Variants in PRH1 observed in about 807,000 individuals in gnomAD.
PRH1 encodes salivary acidic proline-rich phosphoprotein 1/2.
In PRH1, 7 loss-of-function variants were observed where a neutral mutation model predicts 7.9. The observed-to-expected ratio is 0.89, with a 90% CI of 0.50 to 1.67. PRH1 has a LOEUF of 1.67. PRH1 is among the 40% of genes most tolerant of loss of function. The probability of loss-of-function intolerance (pLI) is 0.00; values close to 1 mark genes in which losing one functional copy is unlikely to be tolerated. For synonymous variants in PRH1, 45 were observed against 80.8 expected (o/e 0.56, Z 2.38); for missense variants, 109 against 223.6 (o/e 0.49, Z 3.27).
chr12:11,069,721 C>T (rs1480649061), intron 1 of PRH1, among the ~76,000 whole-genome samples: 1 of 152,188 alleles, frequency 6.6e-6, no homozygotes, highest in Non-Finnish European at 1.5e-5. Context: ...TTGATAAATA[C>T]TTATAAACCA....
At chr12:10,902,532 T>C (rs1177659317) in intron 2 of PRH1, among the ~76,000 whole-genome samples, 2 of 152,080 alleles carry the variant, frequency 1.3e-5, no homozygotes, top group Non-Finnish European at 2.9e-5. Flanking sequence ...ACCTGACTGA[T>C]GCTATAGGAA....
At chr12:10,931,360 T>C (rs1950210754) in intron 2 of PRH1, among the ~76,000 whole-genome samples, 1 of 152,186 alleles carries the variant, frequency 6.6e-6, no homozygotes, top group Non-Finnish European at 1.5e-5. Context: ...TGGCACTCTG[T>C]TTCCTTTCCT....
At chr12:11,109,782 T>C (rs1481514783) in intron 1 of PRH1, among the ~76,000 whole-genome samples, 1 of 151,830 alleles carries the variant, frequency 6.6e-6, no homozygotes, top group Non-Finnish European at 1.5e-5. Context: ...GGATCACAAC[T>C]CCTCACCAGC....
chr12:10,988,478 C>T (rs562465984), intron 1 of PRH1, among the ~76,000 whole-genome samples: 2 of 152,274 alleles, frequency 1.3e-5, no homozygotes, highest in Non-Finnish European at 2.9e-5. Flanking sequence ...AAAGTTCCTA[C>T]TTCAACTCTC....
chr12:10,989,584 CTA>C (rs910818004), intron 1 of PRH1, among the ~76,000 whole-genome samples: 4 of 152,074 alleles, frequency 2.6e-5, no homozygotes, highest in African/African-American at 4.8e-5. Context: ...ATGGCTATTT[CTA>C]TATATCTTAT....
At chr12:10,968,590 A>G (rs7134527) in intron 2 of PRH1, among the ~76,000 whole-genome samples, 36,994 of 152,110 alleles carry the variant, frequency 0.24, 4,546 homozygotes, top group Non-Finnish European at 0.25. Flanking sequence ...GCTTAGACTG[A>G]AATAATACCT....
At chr12:11,119,022 G>A (rs545520073), downstream of PRH1, among the ~76,000 whole-genome samples, 14 of 149,798 alleles carry the variant, frequency 9.3e-5, no homozygotes, top group Middle Eastern at 3.5e-3. Context: ...AAAAAAAAGA[G>A]GGAGAGAGAA....
At chr12:11,007,121 G>A (rs1389151490) in intron 1 of PRH1, among the ~76,000 whole-genome samples, 1 of 152,028 alleles carries the variant, frequency 6.6e-6, no homozygotes, top group African/African-American at 2.4e-5. Flanking sequence ...TCATACCTAG[G>A]ATCGTATAAA....
chr12:10,931,358 T>C (rs1950210665), intron 2 of PRH1, among the ~76,000 whole-genome samples: 2 of 152,214 alleles, frequency 1.3e-5, no homozygotes, highest in African/African-American at 4.8e-5. Flanking sequence ...TTTGGCACTC[T>C]GTTTCCTTTC....
At chr12:11,025,402 G>A (rs1941858838) in intron 1 of PRH1, among the ~76,000 whole-genome samples, 1 of 152,232 alleles carries the variant, frequency 6.6e-6, no homozygotes, top group African/African-American at 2.4e-5. Context: ...CTGCTTCCAT[G>A]TTTTCTGTTA....
chr12:11,133,668 T>G (rs138949168), intron 1 of PRH1: 5 of 1,614,128 alleles, frequency 3.1e-6, no homozygotes, highest in African/African-American at 2.7e-5. Context: ...AGAAAAGATA[T>G]CAGGGTCAGA....
intron 2 of PRH1, chr12:10,964,787 G>C: frequency 1.7e-6 from 1 of 605,482 alleles, no homozygotes; most frequent in Non-Finnish European, 3.0e-6. Flanking sequence ...CAGGGACAGA[G>C]TAAAGGGTAT....
At chr12:11,009,311 C>T (rs1222836888) in intron 1 of PRH1, among the ~76,000 whole-genome samples, 1 of 151,828 alleles carries the variant, frequency 6.6e-6, no homozygotes, top group Admixed American at 6.6e-5. Flanking sequence ...CTACCTTTCA[C>T]CTCTAGCTAC....
chr12:10,916,662 G>A (rs556749609), intron 2 of PRH1, among the ~76,000 whole-genome samples: 2 of 151,750 alleles, frequency 1.3e-5, no homozygotes, highest in Admixed American at 1.3e-4. Flanking sequence ...GGACCATTCA[G>A]AAACCCAAGC....
intron 1 of PRH1, chr12:10,997,373 A>C (rs769660368): frequency 3.1e-6 from 5 of 1,614,018 alleles, no homozygotes; most frequent in African/African-American, 1.3e-5. Flanking sequence ...TGCATTCCTC[A>C]GTTTGATCTT....
At chr12:11,038,295 A>G (rs780744395) in intron 1 of PRH1, among the ~76,000 whole-genome samples, 6 of 152,238 alleles carry the variant, frequency 3.9e-5, no homozygotes, top group Non-Finnish European at 7.3e-5. Flanking sequence ...GTTAACATGG[A>G]TGTTACCACA....
At chr12:11,031,863 T>C (rs1407508302) in intron 1 of PRH1, among the ~76,000 whole-genome samples, 1 of 152,186 alleles carries the variant, frequency 6.6e-6, no homozygotes, top group Non-Finnish European at 1.5e-5. Context: ...TCGCTTCATC[T>C]CTCAATGTAA....
intron 1 of PRH1, among the ~76,000 whole-genome samples, chr12:11,068,054 C>G (rs1245668291): frequency 1.3e-5 from 2 of 150,920 alleles, no homozygotes; most frequent in Non-Finnish European, 2.9e-5. Flanking sequence ...GGGAGCATAA[C>G]TTACATATGG....
chr12:11,134,070 G>A (rs770829396), intron 1 of PRH1: 8 of 1,614,102 alleles, frequency 5.0e-6, no homozygotes, highest in Non-Finnish European at 6.8e-6. Context: ...AACACCCAGA[G>A]CAAACCAACT....
Sources: gnomAD v4.1 joint callset for allele counts (sites outside exome capture counted in the v4.1 genomes callset) on GRCh38, gnomAD v4.1.1 for gene constraint, MANE v1.5 for transcripts, NCBI Gene and HGNC (gene_info 2026-07-23, HGNC 2026-07-21) for gene names.